ZNF704: variants seen among roughly 807,000 people sequenced by gnomAD.
ZNF704 encodes glucocorticoid induced gene 1.
ZNF704 carries 10 observed loss-of-function variants against 44.7 expected under a neutral mutation model. The observed-to-expected ratio is 0.22, with a 90% CI of 0.14 to 0.38. ZNF704 has a LOEUF of 0.38. ZNF704 is among the 10% of genes least tolerant of loss of function. The pLI is 1.00. For missense variants in ZNF704, 390 were observed against 545.5 expected (o/e 0.71, Z 2.84); for synonymous variants, 211 against 207.6 (o/e 1.02, Z -0.14).
chr8:80,811,759 C>T (rs2083191750), intron 2 of ZNF704, among the ~76,000 whole-genome samples: 1 of 152,160 alleles, frequency 6.6e-6, no homozygotes. Context: ...GGGCTTAATG[C>T]TTTATAGCAG....
In ZNF704 at chr8:80,637,918, C is replaced by G. The variant is rs760609760; in HGVS notation, c.*3448G>C. On this transcript the variant is annotated 3_prime_UTR_variant, in exon 9 of 9. Transcript: ENST00000327835. ...GGCACAGCAGCCCTGCACTCTTGGC[C>G]GGAGGTACTTCCCTTCAGGTCATTC... 6.6e-6 allele frequency: 1 copy of G among 152,264 alleles called. No individual in the cohort carries two copies. Among genetic ancestry groups the G allele is most frequent in the Admixed American group, 6.5e-5 (1 of 15,284 alleles). The allele number at this position is 152,264 out of a possible 1,614,324, so 9.4% of individuals were successfully genotyped here.
chr8:80,757,368 A>C lies in ZNF704; in HGVS notation c.221+64006T>G, dbSNP rs532562184. Among the ~76,000 whole-genome samples the C allele has an allele frequency of 5.3e-5, 8 of 152,334 alleles. No homozygotes were observed. In the East Asian group the frequency reaches 1.5e-3, roughly 29 times the overall value. ...TTAAAAATTTTAAAAATGGAAGCTT[A>C]TAGAATAAGGACGTAAAGAAAATAT... On this transcript the variant is annotated intron_variant, in intron 2 of 8. Coordinates refer to ENST00000327835, the MANE Select transcript of ZNF704 (RefSeq NM_001033723.3).
chr8:80,784,535 T>C (rs1807583970), intron 2 of ZNF704, among the ~76,000 whole-genome samples: 1 of 152,236 alleles, frequency 6.6e-6, no homozygotes, highest in Non-Finnish European at 1.5e-5. Context: ...TCTTTTCATA[T>C]GCTTATTTGC....
At chr8:80,701,034 G>A (rs561438450) in intron 2 of ZNF704, among the ~76,000 whole-genome samples, 12 of 152,058 alleles carry the variant, frequency 7.9e-5, no homozygotes, top group South Asian at 4.2e-4. Context: ...CTTCCCTCCC[G>A]CCAGGTCCAC....
chr8:80,783,132 T>C (rs1344000953), intron 2 of ZNF704, among the ~76,000 whole-genome samples: 1 of 152,072 alleles, frequency 6.6e-6, no homozygotes, highest in Non-Finnish European at 1.5e-5. Context: ...TGAACATGTG[T>C]GTTCAGCAGA....
At chr8:80,879,441 C>T (rs2130102035), upstream of ZNF704, among the ~76,000 whole-genome samples, 1 of 152,138 alleles carries the variant, frequency 6.6e-6, no homozygotes, top group South Asian at 2.1e-4. Flanking sequence ...TTAGTAGAAG[C>T]AGGGTTTCAC....
chr8:80,682,341 T>C (rs1818466741), intron 4 of ZNF704, among the ~76,000 whole-genome samples: 1 of 152,258 alleles, frequency 6.6e-6, no homozygotes, highest in African/African-American at 2.4e-5. Context: ...TGCTTTCTTC[T>C]CTAACTTGAG....
At chr8:80,862,696 C>T (rs556941572) in intron 1 of ZNF704, among the ~76,000 whole-genome samples, 64 of 123,850 alleles carry the variant, frequency 5.2e-4, no homozygotes, top group Admixed American at 8.9e-4. Flanking sequence ...ACCCAGGAGG[C>T]GGAGGTTGCA....
At chr8:80,880,354 T>C in the ZNF704 span, among the ~76,000 whole-genome samples, 1 of 152,230 alleles carries the variant, frequency 6.6e-6, no homozygotes, top group Admixed American at 6.5e-5. Context: ...GAATGATTAC[T>C]GTATTGAGCA....
chr8:80,722,753 G>A (rs1350806113), intron 2 of ZNF704, among the ~76,000 whole-genome samples: 13 of 152,116 alleles, frequency 8.5e-5, no homozygotes, highest in Non-Finnish European at 2.9e-5. Context: ...TCTCCTACAA[G>A]TGATCGGAGA....
intron 2 of ZNF704, among the ~76,000 whole-genome samples, chr8:80,785,476 A>G (rs1241762234): frequency 6.6e-6 from 1 of 152,128 alleles, no homozygotes; most frequent in Non-Finnish European, 1.5e-5. Flanking sequence ...GACAAAAGTT[A>G]TTTGGGATTC....
chr8:80,710,143 A>T (rs894791939), intron 2 of ZNF704, among the ~76,000 whole-genome samples: 3 of 151,820 alleles, frequency 2.0e-5, no homozygotes, highest in African/African-American at 2.4e-5. Flanking sequence ...TGACCTTCCT[A>T]CCTCCTATCT....
chr8:80,709,261 G>A (rs1291772887), intron 2 of ZNF704, among the ~76,000 whole-genome samples: 3 of 151,672 alleles, frequency 2.0e-5, no homozygotes, highest in Non-Finnish European at 2.9e-5. Context: ...TGGCTAACAC[G>A]GTGAAACCCC....
chr8:80,833,818 A>C (rs904787402), intron 1 of ZNF704, among the ~76,000 whole-genome samples: 1 of 152,166 alleles, frequency 6.6e-6, no homozygotes, highest in African/African-American at 2.4e-5. Flanking sequence ...TAGGGCTGCC[A>C]AACAAGGAGA....
At chr8:80,724,978 G>A (rs1262438897) in intron 2 of ZNF704, among the ~76,000 whole-genome samples, 1 of 152,126 alleles carries the variant, frequency 6.6e-6, no homozygotes, top group Admixed American at 6.5e-5. Flanking sequence ...TCTAAGTGTG[G>A]TTTATAAAGT....
Position 80,664,513 on chromosome 8 carries a change from C to T in ZNF704, c.927+302G>A, listed in dbSNP as rs191966997. Among the ~76,000 whole-genome samples, 1,145 of 152,182 alleles carry T rather than the reference C, an allele frequency of 7.5e-3. 17 individuals are homozygous for T. The highest frequency in any genetic ancestry group is 0.026 in the African/African-American group (1,095 of 41,518). ...CTCGAACTCCCGACCTCAGGTGATCCGCCCGCCTCAGCCTCCCAGAGTGTT... is the reference window on the plus strand; with the variant it reads ...CTCGAACTCCCGACCTCAGGTGATCTGCCCGCCTCAGCCTCCCAGAGTGTT... On this transcript the variant is annotated intron_variant, in intron 6 of 8. Coordinates refer to ENST00000327835, the MANE Select transcript of ZNF704 (RefSeq NM_001033723.3).
chr8:80,730,073 A>G, intron 2 of ZNF704, among the ~76,000 whole-genome samples: 1 of 152,156 alleles, frequency 6.6e-6, no homozygotes, highest in South Asian at 2.1e-4. Context: ...GAAACAGAAC[A>G]CACCTGAGAA....
At chr8:80,882,503 C>A in the ZNF704 span, among the ~76,000 whole-genome samples, 75 of 152,304 alleles carry the variant, frequency 4.9e-4, no homozygotes, top group Admixed American at 1.0e-3. Context: ...GCATTAAAAA[C>A]CCTATTGCCA....
At chr8:80,812,263 C>T (rs773036377) in intron 2 of ZNF704, 28 of 160,150 alleles carry the variant, frequency 1.7e-4, no homozygotes, top group Non-Finnish European at 2.9e-4. Flanking sequence ...TGAAATGCAG[C>T]AATATTCTTT....
Sources: allele counts gnomAD v4.1 joint callset (sites outside exome capture counted in the v4.1 genomes callset), GRCh38; gene constraint gnomAD v4.1.1; transcripts MANE v1.5; gene names NCBI Gene and HGNC (gene_info 2026-07-23, HGNC 2026-07-21).